The following KHDRBS3 variants were observed in gnomAD, a reference collection of about 807,000 sequenced individuals.
KHDRBS3 encodes KH domain-containing, RNA-binding, signal transduction-associated protein 3.
Under a neutral mutation model 45.6 loss-of-function variants are expected in KHDRBS3, and 23 were observed. That is an observed-to-expected ratio of 0.50 (90% CI 0.36 to 0.72). The LOEUF (loss-of-function observed/expected upper bound fraction) is 0.72. Ranked by LOEUF, KHDRBS3 falls within the 30% of genes least tolerant of loss-of-function variation. The probability of loss-of-function intolerance (pLI) is 0.00; values close to 1 mark genes in which losing one functional copy is unlikely to be tolerated. For synonymous variants in KHDRBS3, 162 were observed against 156.5 expected (o/e 1.04, Z -0.26); for missense variants, 352 against 424.8 (o/e 0.83, Z 1.51).
intron 1 of KHDRBS3, among the ~76,000 whole-genome samples, chr8:135,513,377 A>T (rs1824405290): frequency 6.6e-6 from 1 of 152,188 alleles, no homozygotes; most frequent in African/African-American, 2.4e-5. Context: ...TGTTCTTTGC[A>T]AATATTAAAT....
intron 5 of KHDRBS3, among the ~76,000 whole-genome samples, chr8:135,567,228 C>T (rs546235384): frequency 6.6e-6 from 1 of 151,958 alleles, no homozygotes; most frequent in South Asian, 2.1e-4. Context: ...GGTCAGAAAA[C>T]TCTGGGTGCA....
chr8:135,493,935 G>A (rs966696708), intron 1 of KHDRBS3, among the ~76,000 whole-genome samples: 3 of 152,172 alleles, frequency 2.0e-5, no homozygotes, highest in South Asian at 2.1e-4. Flanking sequence ...TTAGTTTCTC[G>A]TATATAGAAG....
chr8:135,475,478 A>AT (rs1822236463), intron 1 of KHDRBS3, among the ~76,000 whole-genome samples: 1 of 151,614 alleles, frequency 6.6e-6, no homozygotes, highest in Non-Finnish European at 1.5e-5. Context: ...TGCCCAGCTA[A>AT]TTTTTGTATT....
At chr8:135,489,795 C>A (rs1350599582) in intron 1 of KHDRBS3, among the ~76,000 whole-genome samples, 1 of 152,068 alleles carries the variant, frequency 6.6e-6, no homozygotes, top group African/African-American at 2.4e-5. Context: ...AAAAATATTT[C>A]TTAATAATTC....
At position 135,626,127 on chromosome 8, in the gene KHDRBS3, A is replaced by T. The variant is rs1449114188; in HGVS notation, c.891-18932A>T. ...ATTTAAAAAGGACTTCTGCTTTAAT[A>T]TCATTAACAGCTGTCCTTCATATAT... On this transcript the variant is annotated intron_variant, in intron 7 of 8. Coordinates refer to ENST00000355849, the MANE Select transcript of KHDRBS3 (RefSeq NM_006558.3). The T allele has an allele frequency of 1.0e-5, 5 of 498,476 alleles. No individual in the cohort carries two copies. The South Asian group carries it at 1.9e-4, about 19-fold the overall frequency. The allele number at this position is 498,476 out of a possible 1,614,324, so 30.9% of individuals were successfully genotyped here. A position where few individuals can be genotyped will look rare whatever the true frequency, so the allele number is the denominator to read the frequency against.
chr8:135,490,210 T>A, intron 1 of KHDRBS3, among the ~76,000 whole-genome samples: 1 of 152,138 alleles, frequency 6.6e-6, no homozygotes, highest in East Asian at 1.9e-4. Context: ...TCAGGACAGA[T>A]CCCCATCATG....
At chr8:135,459,541 T>G (rs1821319405) in intron 1 of KHDRBS3, among the ~76,000 whole-genome samples, 1 of 152,226 alleles carries the variant, frequency 6.6e-6, no homozygotes, top group South Asian at 2.1e-4. Flanking sequence ...CCTGCTGGGC[T>G]GTCATCTCTG....
At chr8:135,502,893 A>G (rs1372016663) in intron 1 of KHDRBS3, among the ~76,000 whole-genome samples, 1 of 152,190 alleles carries the variant, frequency 6.6e-6, no homozygotes, top group East Asian at 1.9e-4. Context: ...AGTAACCTCT[A>G]GCCACATGAG....
chr8:135,479,997 G>A (rs185024746), intron 1 of KHDRBS3, among the ~76,000 whole-genome samples: 2 of 152,284 alleles, frequency 1.3e-5, no homozygotes, highest in African/African-American at 4.8e-5. Flanking sequence ...GGAATGCAAG[G>A]TTGGGTTAGT....
chr8:135,470,288 G>A (rs1821947899), intron 1 of KHDRBS3, among the ~76,000 whole-genome samples: 1 of 151,458 alleles, frequency 6.6e-6, no homozygotes. Flanking sequence ...ATAAGATTTT[G>A]ATTTAACAAG....
At chr8:135,464,785 C>T (rs954334998) in intron 1 of KHDRBS3, among the ~76,000 whole-genome samples, 1 of 151,986 alleles carries the variant, frequency 6.6e-6, no homozygotes, top group African/African-American at 2.4e-5. Flanking sequence ...ATGAGAAAAC[C>T]GAGGTCAGGA....
chr8:135,483,707 C>T (rs1187118537), intron 1 of KHDRBS3, among the ~76,000 whole-genome samples: 2 of 152,170 alleles, frequency 1.3e-5, no homozygotes, highest in Non-Finnish European at 2.9e-5. Flanking sequence ...ATGGCTTCCT[C>T]CTGTCCATCT....
intron 7 of KHDRBS3, among the ~76,000 whole-genome samples, chr8:135,644,735 T>G (rs1831210432): frequency 6.6e-6 from 1 of 152,226 alleles, no homozygotes; most frequent in Admixed American, 6.5e-5. Context: ...CTCCGCAGAC[T>G]CCCAGTCTTC....
At chr8:135,620,814 C>T (rs550530385) in intron 7 of KHDRBS3, among the ~76,000 whole-genome samples, 279 of 152,182 alleles carry the variant, frequency 1.8e-3, no homozygotes, top group Middle Eastern at 0.01. Context: ...TCTGTGTTTC[C>T]GCAATGCTCT....
At chr8:135,491,927 A>G (rs1184407513) in intron 1 of KHDRBS3, among the ~76,000 whole-genome samples, 3 of 121,254 alleles carry the variant, frequency 2.5e-5, no homozygotes, top group African/African-American at 5.5e-5. Context: ...GCCTGGTGCC[A>G]ACTTCTTTTT....
intron 1 of KHDRBS3, among the ~76,000 whole-genome samples, chr8:135,471,247 T>G (rs1563701307): frequency 6.6e-6 from 1 of 152,214 alleles, no homozygotes; most frequent in Non-Finnish European, 1.5e-5. Context: ...GAGTGAACAT[T>G]AAGGCAAAAG....
chr8:135,557,583 A>C lies in KHDRBS3; in HGVS notation c.607A>C (p.Thr203Pro). 6.2e-7 allele frequency: 1 copy of C among 1,610,350 alleles called. No individual in the cohort carries two copies. The highest frequency in any genetic ancestry group is 8.5e-7 in the Non-Finnish European group (1 of 1,178,344). ...RTRGVPAPAI[T>P]RGRGGVTARP... ...AAGAGGTGTACCAGCCCCAGCAATA[A>C]CCAGGTAGGTGTAAATTTTTTTTTA... Residue 203 changes from threonine (T) to proline (P), a missense_variant, in exon 5 of 9, where the codon ACC (threonine) becomes CCC (proline). This residue lies in a region of KHDRBS3 where 212 missense variants were observed against 209.6 expected (regional missense o/e 1.01). Coordinates refer to ENST00000355849, the MANE Select transcript of KHDRBS3 (RefSeq NM_006558.3).
At chr8:135,626,916 T>G (rs1830398284) in intron 7 of KHDRBS3, among the ~76,000 whole-genome samples, 2 of 152,200 alleles carry the variant, frequency 1.3e-5, no homozygotes, top group African/African-American at 4.8e-5. Flanking sequence ...TTAATAATTT[T>G]TTTTCAATTA....
intron 5 of KHDRBS3, among the ~76,000 whole-genome samples, chr8:135,561,550 T>G (rs1827168410): frequency 4.6e-5 from 7 of 151,788 alleles, no homozygotes; most frequent in Admixed American, 3.9e-4. Context: ...TTTTTTTTTT[T>G]TTCCCATTCC....
Sources: allele counts gnomAD v4.1 joint callset (sites outside exome capture counted in the v4.1 genomes callset), GRCh38; gene constraint gnomAD v4.1.1; regional missense constraint gnomAD v4.1.1; transcripts MANE v1.5; gene names NCBI Gene and HGNC (gene_info 2026-07-23, HGNC 2026-07-21).